The following MAP4K4 variants were observed in gnomAD, a reference collection of about 807,000 sequenced individuals.
The protein encoded by MAP4K4 is mitogen-activated protein kinase kinase kinase kinase 4.
Under a neutral mutation model 189.6 loss-of-function variants are expected in MAP4K4, and 38 were observed. That is an observed-to-expected ratio of 0.20 (90% CI 0.15 to 0.26). MAP4K4 has a LOEUF of 0.26. Among genes scored for constraint, MAP4K4 ranks in the 10% least tolerant of loss-of-function variants. The pLI is 1.00. For missense variants in MAP4K4, 1,054 were observed against 1,726.9 expected (o/e 0.61, Z 6.91); for synonymous variants, 610 against 624.3 (o/e 0.98, Z 0.34).
At chr2:101,873,560 C>T (rs959345105) in intron 24 of MAP4K4, 87 bp from the exon 25 acceptor site, 1 of 722,110 alleles carries the variant, frequency 1.4e-6, no homozygotes, top group Admixed American at 2.2e-5. Flanking sequence ...GGAAATAGTG[C>T]AATATAGAAG....
chr2:101,735,670 G>A (rs778118756), intron 2 of MAP4K4, among the ~76,000 whole-genome samples: 5 of 152,190 alleles, frequency 3.3e-5, no homozygotes, highest in African/African-American at 9.7e-5. Context: ...GAAGCCTCAG[G>A]ATGAAGAATT....
At chr2:101,725,999 C>A (rs1431832972) in intron 2 of MAP4K4, among the ~76,000 whole-genome samples, 1 of 150,106 alleles carries the variant, frequency 6.7e-6, no homozygotes, top group Non-Finnish European at 1.5e-5. Context: ...TCCTGCATAT[C>A]TAGTGCCCCC....
At chr2:101,765,088 T>C (rs2078035814) in intron 2 of MAP4K4, among the ~76,000 whole-genome samples, 1 of 151,926 alleles carries the variant, frequency 6.6e-6, no homozygotes, top group African/African-American at 2.4e-5. Flanking sequence ...AAGGGAATAA[T>C]CAGATAATTT....
In MAP4K4 at chr2:101,759,773, C is replaced by A. The variant is rs1353765750; in HGVS notation, c.124-30947C>A. ...TTCTCTCCCCCACCTCCCCTTCCCC[C>A]ATCCTCTCCCCCTCCCTTCTCCCTT... On this transcript the variant is annotated intron_variant, in intron 2 of 32. Transcript: ENST00000324219. Among the ~76,000 whole-genome samples, 3 of 74,102 alleles carry A rather than the reference C, an allele frequency of 4.0e-5. No individual in the cohort carries two copies. In the East Asian group the frequency reaches 1.4e-3, roughly 35 times the overall value. The allele number at this position is 74,102 out of a possible 152,430, so 48.6% of individuals were successfully genotyped here.
chr2:101,729,101 A>AGAGAGAGTGTGTGTGTGTGTGT (rs149283961), intron 2 of MAP4K4, among the ~76,000 whole-genome samples: 1 of 130,504 alleles, frequency 7.7e-6, no homozygotes, highest in Non-Finnish European at 1.6e-5. Context: ...AGAGAGAGAG[A>AGAGAGAGTGTGTGTGTGTGTGT]GTGTGTGTGT....
intron 3 of MAP4K4, among the ~76,000 whole-genome samples, chr2:101,793,466 C>T (rs2093269371): frequency 6.6e-6 from 1 of 151,862 alleles, no homozygotes; most frequent in South Asian, 2.1e-4. Flanking sequence ...AAGTGGGGAG[C>T]AGGCTGAATG....
chr2:101,812,251 C>G (rs2095474906), intron 3 of MAP4K4, among the ~76,000 whole-genome samples: 1 of 152,160 alleles, frequency 6.6e-6, no homozygotes, highest in South Asian at 2.1e-4. Flanking sequence ...CAGGGGACTC[C>G]ATGCAGACTT....
chr2:101,767,741 A>G lies in MAP4K4; in HGVS notation c.124-22979A>G, dbSNP rs534668715. ...CCTCGCAGAGAGAGATGCTCCTTCT[A>G]ACTGACACCCAAGTGGAGTATATGA... On this transcript the variant is annotated intron_variant, in intron 2 of 32. Transcript: ENST00000324219. Among the ~76,000 whole-genome samples, 11 of 152,346 alleles carry G rather than the reference A, an allele frequency of 7.2e-5. No homozygotes were observed. The East Asian group carries it at 1.9e-3, about 27-fold the overall frequency.
chr2:101,782,019 C>T (rs2087847808), intron 2 of MAP4K4, among the ~76,000 whole-genome samples: 1 of 152,124 alleles, frequency 6.6e-6, no homozygotes, highest in Non-Finnish European at 1.5e-5. Flanking sequence ...ACGTAATATT[C>T]CCGGAGGCTA....
intron 3 of MAP4K4, among the ~76,000 whole-genome samples, chr2:101,803,292 TGTCTGTC>T: frequency 3.5e-5 from 5 of 142,618 alleles, no homozygotes; most frequent in Admixed American, 3.4e-4. Flanking sequence ...TTTGTGTGTG[TGTCTGTC>T]TGTGTCTGTG....
At chr2:101,855,874 C>CA (rs112620771) in intron 12 of MAP4K4, 103 bp from the exon 13 acceptor site, 9 of 1,145,074 alleles carry the variant, frequency 7.9e-6, no homozygotes, top group African/African-American at 4.7e-5. Flanking sequence ...CCATGAACCT[C>CA]ACCTCATTAG....
intron 27 of MAP4K4, among the ~76,000 whole-genome samples, chr2:101,879,661 G>A (rs1349431412): frequency 6.6e-6 from 1 of 152,198 alleles, no homozygotes; most frequent in Non-Finnish European, 1.5e-5. Flanking sequence ...CCCCACCCTG[G>A]TGAAGACATG....
At chr2:101,889,062 G>T in intron 32 of MAP4K4, 127 bp downstream of exon 32, 1 of 888,948 alleles carries the variant, frequency 1.1e-6, no homozygotes, top group East Asian at 2.8e-5. Context: ...TTTAAACGTT[G>T]CTTTTTAGTC....
intron 2 of MAP4K4, among the ~76,000 whole-genome samples, chr2:101,705,818 A>G (rs918181442): frequency 6.6e-6 from 1 of 152,178 alleles, no homozygotes; most frequent in African/African-American, 2.4e-5. Context: ...GAGCTGGAGA[A>G]TTGAGGACTG....
At chr2:101,763,105 C>G (rs918263216) in intron 2 of MAP4K4, among the ~76,000 whole-genome samples, 1 of 152,166 alleles carries the variant, frequency 6.6e-6, no homozygotes, top group African/African-American at 2.4e-5. Flanking sequence ...GCTGTGACCT[C>G]GGGCAATGCA....
chr2:101,866,427 G>A lies in MAP4K4; in HGVS notation c.2205-1G>A, dbSNP rs2097819788. On this transcript the variant is annotated splice_acceptor_variant, in intron 18 of 32. Coordinates refer to ENST00000324219, the Ensembl canonical transcript of MAP4K4. LOFTEE classifies it high-confidence loss of function. ...TGTTCTCTCTTCTTCTTTTCTAACA[G>A]CAGTATTGAGCCCAGGCTTCTGTGG... 9.3e-6 allele frequency: 15 copies of A among 1,608,384 alleles called. No individual in the cohort carries two copies. Among genetic ancestry groups the A allele is most frequent in the Non-Finnish European group, 1.2e-5 (14 of 1,175,510 alleles).
At chr2:101,831,329 T>A (rs78103243) in intron 6 of MAP4K4, among the ~76,000 whole-genome samples, 4,615 of 152,330 alleles carry the variant, frequency 0.03, 241 homozygotes, top group African/African-American at 0.1. Context: ...TAGTGCTGTT[T>A]AAGAAGGTAA....
chr2:101,891,057 C>CT, intron 32 of MAP4K4, 109 bp from the exon 33 acceptor site: 4 of 849,090 alleles, frequency 4.7e-6, no homozygotes, highest in Non-Finnish European at 5.9e-6. Flanking sequence ...CTTTGGGAGT[C>CT]TAAGCTTCTC....
chr2:101,803,472 T>C (rs1455383613), intron 3 of MAP4K4, among the ~76,000 whole-genome samples: 1 of 152,236 alleles, frequency 6.6e-6, no homozygotes, highest in Non-Finnish European at 1.5e-5. Context: ...ACACTTAAAA[T>C]GGTGAAGTCT....
Sources: gnomAD v4.1 joint callset for allele counts (sites outside exome capture counted in the v4.1 genomes callset) on GRCh38, gnomAD v4.1.1 for gene constraint, MANE v1.5 for transcripts, NCBI Gene and HGNC (gene_info 2026-07-23, HGNC 2026-07-21) for gene names.